IKZF2: variants seen among roughly 807,000 people sequenced by gnomAD.
The protein encoded by IKZF2 is zinc finger protein Helios.
In IKZF2, 15 loss-of-function variants were observed where a neutral mutation model predicts 49.2. The observed-to-expected ratio is 0.30, with a 90% CI of 0.20 to 0.47. IKZF2 has a LOEUF of 0.47. Among genes scored for constraint, IKZF2 ranks in the 20% least tolerant of loss-of-function variants. The pLI is 1.00. For synonymous variants in IKZF2, 227 were observed against 221.4 expected (o/e 1.03, Z -0.23); for missense variants, 567 against 664.6 (o/e 0.85, Z 1.61).
At chr2:213,098,697 C>T (rs550141669) in intron 4 of IKZF2, among the ~76,000 whole-genome samples, 2 of 152,236 alleles carry the variant, frequency 1.3e-5, no homozygotes, top group East Asian at 3.9e-4. Flanking sequence ...AGAATCACCG[C>T]CTTAGGTGAT....
At chr2:213,132,572 T>G (rs988205172) in intron 4 of IKZF2, among the ~76,000 whole-genome samples, 1 of 152,216 alleles carries the variant, frequency 6.6e-6, no homozygotes, top group Admixed American at 6.5e-5. Flanking sequence ...ATGAATTTAA[T>G]ATAACACATA....
intron 4 of IKZF2, among the ~76,000 whole-genome samples, chr2:213,125,097 TGGAA>T (rs1261223820): frequency 1.3e-5 from 2 of 152,216 alleles, no homozygotes; most frequent in Non-Finnish European, 2.9e-5. Context: ...CTAAATACTT[TGGAA>T]GGGTTTCTTA....
At chr2:213,058,196 G>A (rs936947414) in intron 4 of IKZF2, among the ~76,000 whole-genome samples, 44 of 152,210 alleles carry the variant, frequency 2.9e-4, no homozygotes, top group African/African-American at 9.9e-4. Flanking sequence ...ACAAGAGGGT[G>A]CACTATCAAA....
chr2:213,131,041 T>C (rs755082530), intron 4 of IKZF2, among the ~76,000 whole-genome samples: 2 of 152,166 alleles, frequency 1.3e-5, no homozygotes, highest in Non-Finnish European at 2.9e-5. Context: ...AACAAATTGC[T>C]TGGACATATT....
chr2:213,026,997 G>A (rs769894980), intron 6 of IKZF2, among the ~76,000 whole-genome samples: 1 of 151,984 alleles, frequency 6.6e-6, no homozygotes, highest in African/African-American at 2.4e-5. Context: ...ATAGTCCCAA[G>A]TGGCATTTAA....
rs367779681 is a variant in IKZF2, at chr2:213,092,559, T to C, written c.140-35460A>G. 5.9e-5 allele frequency among the ~76,000 whole-genome samples: 9 copies of C among 152,272 alleles called. No individual in the cohort carries two copies. In the East Asian group the frequency reaches 1.2e-3, roughly 20 times the overall value. On this transcript the variant is annotated intron_variant, in intron 4 of 8. Coordinates refer to ENST00000434687, the MANE Select transcript of IKZF2 (RefSeq NM_001387220.1). ...CCAACAATGTTAGTCCCCCCTGTGA[T>C]GGTACCATCCCACCGCCCTGTTCGA...
chr2:213,060,648 C>G (rs1160360124), intron 4 of IKZF2, among the ~76,000 whole-genome samples: 1 of 151,328 alleles, frequency 6.6e-6, no homozygotes, highest in East Asian at 1.9e-4. Flanking sequence ...GAAATGTACA[C>G]ACGTTATCAT....
intron 8 of IKZF2, among the ~76,000 whole-genome samples, chr2:213,010,676 T>C (rs1235411902): frequency 2.6e-5 from 4 of 151,902 alleles, no homozygotes; most frequent in African/African-American, 9.7e-5. Flanking sequence ...CATACATGTG[T>C]GTGTGAGACC....
At chr2:213,146,184 T>C (rs1013971868) in intron 4 of IKZF2, among the ~76,000 whole-genome samples, 1 of 152,032 alleles carries the variant, frequency 6.6e-6, no homozygotes, top group Admixed American at 6.6e-5. Flanking sequence ...TTTTACTCTT[T>C]AGGAAATTGT....
chr2:213,013,737 C>T (rs556456400), intron 8 of IKZF2, 54 bp downstream of exon 8: 8 of 1,523,960 alleles, frequency 5.2e-6, no homozygotes, highest in South Asian at 3.7e-5. Flanking sequence ...TGGGAACTTG[C>T]CTTTTCCTAT....
intron 4 of IKZF2, among the ~76,000 whole-genome samples, chr2:213,081,900 C>T (rs145880320): frequency 6.6e-6 from 1 of 152,212 alleles, no homozygotes; most frequent in Non-Finnish European, 1.5e-5. Context: ...GAATCTGAGT[C>T]CATTAAGGAT....
rs1309833438 is a variant in IKZF2, at chr2:213,001,661, T to C, written c.*5699A>G. ...ATTACCAATGAACTAGAAATAAGAG[T>C]TGACCTAATCTTCAAACTTTTAGGA... On this transcript the variant is annotated 3_prime_UTR_variant, in exon 9 of 9. Transcript: ENST00000434687. 1.3e-5 allele frequency: 2 copies of C among 150,490 alleles called. No homozygotes were observed. The highest frequency in any genetic ancestry group is 4.9e-5 in the African/African-American group (2 of 40,784). The allele number at this position is 150,490 out of a possible 1,614,324, so 9.3% of individuals were successfully genotyped here.
chr2:213,021,756 C>T lies in IKZF2; in HGVS notation c.712+237G>A, dbSNP rs1241401878. 5.3e-6 allele frequency: 3 copies of T among 571,270 alleles called. No homozygotes were observed. In the Admixed American group the frequency reaches 7.6e-5, roughly 15 times the overall value. The allele number at this position is 571,270 out of a possible 1,614,324, so 35.4% of individuals were successfully genotyped here. On this transcript the variant is annotated intron_variant, in intron 7 of 8. Transcript: ENST00000434687. The stretch of plus-strand genomic sequence containing the variant: ...AAATGAAAAAGAAGAGTAAATAGTA[C>T]CTTCCTTTGGTATATGAAAGGTTGG...
chr2:213,086,537 A>G (rs1704619938), intron 4 of IKZF2, among the ~76,000 whole-genome samples: 1 of 152,164 alleles, frequency 6.6e-6, no homozygotes, highest in South Asian at 2.1e-4. Context: ...TCAGGTGAGT[A>G]TGATTATTTT....
intron 4 of IKZF2, among the ~76,000 whole-genome samples, chr2:213,085,027 C>T (rs1704415148): frequency 6.6e-6 from 1 of 152,166 alleles, no homozygotes. Context: ...TACGCTATGA[C>T]CCAAGAACAA....
chr2:213,131,128 G>T (rs929999545), intron 4 of IKZF2, among the ~76,000 whole-genome samples: 1 of 152,106 alleles, frequency 6.6e-6, no homozygotes, highest in Non-Finnish European at 1.5e-5. Context: ...AATATCTTTT[G>T]TAAAGATTGT....
At chr2:213,011,952 G>A (rs1696010901) in intron 8 of IKZF2, among the ~76,000 whole-genome samples, 2 of 152,046 alleles carry the variant, frequency 1.3e-5, no homozygotes, top group African/African-American at 4.8e-5. Flanking sequence ...AGATGTAGAA[G>A]TGATGAGCCA....
intron 4 of IKZF2, among the ~76,000 whole-genome samples, chr2:213,076,070 A>T (rs983930694): frequency 1.3e-5 from 2 of 152,190 alleles, no homozygotes; most frequent in African/African-American, 4.8e-5. Context: ...TTGTAAAAAA[A>T]CAAATAATGT....
At chr2:213,073,116 C>A (rs11689451) in intron 4 of IKZF2, among the ~76,000 whole-genome samples, 1 of 151,842 alleles carries the variant, frequency 6.6e-6, no homozygotes, top group East Asian at 1.9e-4. Context: ...CTACTTAATA[C>A]GTCATAAGTC....
Sources: allele counts gnomAD v4.1 joint callset (sites outside exome capture counted in the v4.1 genomes callset), GRCh38; gene constraint gnomAD v4.1.1; transcripts MANE v1.5; gene names NCBI Gene and HGNC (gene_info 2026-07-23, HGNC 2026-07-21).